ITGA9: variants seen among roughly 807,000 people sequenced by gnomAD.
ITGA9 encodes integrin alpha-9.
Under a neutral mutation model 127.8 loss-of-function variants are expected in ITGA9, and 56 were observed. The observed-to-expected ratio is 0.44, with a 90% CI of 0.35 to 0.55. The LOEUF is 0.55. ITGA9 is among the 20% of genes least tolerant of loss of function. The pLI, the probability that ITGA9 is intolerant of heterozygous loss-of-function variation, is 0.00. For missense variants in ITGA9, 1,196 were observed against 1,347.1 expected, an observed-to-expected ratio of 0.89 and a Z score of 1.76; for synonymous variants, 508 against 514.5, an observed-to-expected ratio of 0.99 and a Z score of 0.17.
At chr3:37,560,700 C>T (rs965528739) in intron 15 of ITGA9, among the ~76,000 whole-genome samples, 15 of 152,202 alleles carry the variant, frequency 9.9e-5, no homozygotes, top group East Asian at 1.9e-4. Flanking sequence ...CTCTGATGAC[C>T]GGTGATGATG....
chr3:37,770,522 GCCATTTCCT>G (rs2125546993), intron 23 of ITGA9, among the ~76,000 whole-genome samples: 2 of 152,268 alleles, frequency 1.3e-5, no homozygotes, highest in East Asian at 3.9e-4. Context: ...ACATGGAAAT[GCCATTTCCT>G]CCAAGCCGTT....
At position 37,629,227 on chromosome 3, in the gene ITGA9, C is replaced by T. The variant is rs772449525; in HGVS notation, c.1730C>T (p.Ala577Val). 1 of 1,613,580 alleles carries T rather than the reference C, an allele frequency of 6.2e-7. No individual in the cohort carries two copies. The highest frequency in any genetic ancestry group is 8.5e-7 in the Non-Finnish European group (1 of 1,179,962). The change falls in exon 16 of 28, where the codon GCA becomes GTA. Residue 577 changes from alanine (A) to valine (V), a missense_variant. Transcript: ENST00000264741. This position sits in a 1 kb window ranked among gnomAD's most constrained non-coding sequence, Gnocchi z 4.5. ...GTCATCAGCCCGATCGTGTTTGAAG[C>T]AGCCTACAGCCTCAGTGAGCATGTG... Reference protein sequence around the residue: ...QDVISPIVFEAAYSLSEHVTG... With the variant: ...QDVISPIVFEVAYSLSEHVTG...
intron 17 of ITGA9, among the ~76,000 whole-genome samples, chr3:37,674,559 A>T (rs991511222): frequency 6.6e-6 from 1 of 152,224 alleles, no homozygotes; most frequent in Non-Finnish European, 1.5e-5. Flanking sequence ...CACCCCTCAG[A>T]TTCAACAAGG....
chr3:37,625,997 C>T (rs1188015305), intron 15 of ITGA9, among the ~76,000 whole-genome samples: 1 of 152,020 alleles, frequency 6.6e-6, no homozygotes, highest in Non-Finnish European at 1.5e-5. Flanking sequence ...AGCATTCGCA[C>T]CCCTACATGT....
At chr3:37,537,995 C>G (rs1457359122) in intron 14 of ITGA9, among the ~76,000 whole-genome samples, 1 of 152,220 alleles carries the variant, frequency 6.6e-6, no homozygotes, top group African/African-American at 2.4e-5. Context: ...TGCCCCTCAC[C>G]CGTGGACGGT....
chr3:37,603,411 A>T (rs1343327737), intron 15 of ITGA9, among the ~76,000 whole-genome samples: 1 of 152,204 alleles, frequency 6.6e-6, no homozygotes, highest in South Asian at 2.1e-4. Context: ...GTTATATGCA[A>T]ATTCTACACC....
intron 15 of ITGA9, among the ~76,000 whole-genome samples, chr3:37,589,816 C>T (rs994691806): frequency 1.7e-4 from 26 of 152,094 alleles, no homozygotes; most frequent in African/African-American, 6.0e-4. Flanking sequence ...GAGGCCTGAC[C>T]GTGTAGGGCC....
intron 24 of ITGA9, among the ~76,000 whole-genome samples, chr3:37,779,651 C>A (rs180847196): frequency 1.3e-5 from 2 of 152,086 alleles, no homozygotes; most frequent in East Asian, 3.9e-4. Context: ...TCATCCAATT[C>A]TTGGTAGGAT....
At chr3:37,519,506 A>G (rs1699023253) in intron 11 of ITGA9, 152 bp downstream of exon 11, 2 of 689,730 alleles carry the variant, frequency 2.9e-6, no homozygotes, top group Admixed American at 4.3e-5. Flanking sequence ...TACAATTAAT[A>G]TTGCTTATTA....
chr3:37,743,251 T>C (rs2125534162), intron 21 of ITGA9, among the ~76,000 whole-genome samples: 1 of 152,348 alleles, frequency 6.6e-6, no homozygotes, highest in Non-Finnish European at 1.5e-5. Flanking sequence ...CATTGTTGTG[T>C]TTAGGTGAGT....
At position 37,813,227 on chromosome 3, in the gene ITGA9, C is replaced by T. The variant is rs527291726; in HGVS notation, c.3010-5664C>T. ...CAAAGGAACTACAGGTGCTCCTTGACTTATCATATTTTAAGTCAGAAATGC... is the reference window on the plus strand; with the variant it reads ...CAAAGGAACTACAGGTGCTCCTTGATTTATCATATTTTAAGTCAGAAATGC... On this transcript the variant is annotated intron_variant, in intron 27 of 27. Transcript: ENST00000264741. Among the ~76,000 whole-genome samples the T allele has an allele frequency of 3.3e-4, 51 of 152,254 alleles. No individual in the cohort carries two copies. In the South Asian group the frequency reaches 5.8e-3, roughly 17 times the overall value.
intron 15 of ITGA9, among the ~76,000 whole-genome samples, chr3:37,616,518 T>C (rs1163822327): frequency 1.3e-5 from 2 of 152,128 alleles, no homozygotes; most frequent in African/African-American, 2.4e-5. Context: ...CCTGGATATC[T>C]TTGTTAACTT....
intron 15 of ITGA9, among the ~76,000 whole-genome samples, chr3:37,602,911 C>A (rs1330700579): frequency 6.6e-6 from 1 of 152,204 alleles, no homozygotes; most frequent in Admixed American, 6.5e-5. Flanking sequence ...TATACTGCTG[C>A]AAAGCTTGTG....
intron 17 of ITGA9, among the ~76,000 whole-genome samples, chr3:37,678,408 A>G (rs1364674132): frequency 6.6e-6 from 1 of 152,206 alleles, no homozygotes; most frequent in Non-Finnish European, 1.5e-5. Flanking sequence ...AAAGTAACAG[A>G]TGGATAAACA....
At chr3:37,613,176 A>G (rs1403971310) in intron 15 of ITGA9, among the ~76,000 whole-genome samples, 1 of 132,848 alleles carries the variant, frequency 7.5e-6, no homozygotes, top group Non-Finnish European at 1.5e-5. Flanking sequence ...ATGTGTTCTC[A>G]TTGTTCAATT....
chr3:37,795,477 T>C (rs895877003), intron 26 of ITGA9, among the ~76,000 whole-genome samples: 2 of 152,226 alleles, frequency 1.3e-5, no homozygotes, highest in South Asian at 2.1e-4. Context: ...TGACACCAGC[T>C]TGGCAACCTC....
At position 37,821,775 on chromosome 3, in the gene ITGA9, C is replaced by T. The variant is rs1575255634; in HGVS notation, c.*2786C>T. Reference sequence around the variant, plus strand: ...GGACCCACATGAGCAGCTGTATACCCAGGAGGTCACTAAGACTTTATAAAG... The same window carrying T: ...GGACCCACATGAGCAGCTGTATACCTAGGAGGTCACTAAGACTTTATAAAG... On this transcript the variant is annotated 3_prime_UTR_variant, in exon 28 of 28. Coordinates refer to ENST00000264741, the MANE Select transcript of ITGA9 (RefSeq NM_002207.3). The T allele has an allele frequency of 6.6e-6, 1 of 151,830 alleles. No homozygotes were observed. Among genetic ancestry groups the T allele is most frequent in the East Asian group, 2.0e-4 (1 of 5,120 alleles). The allele number at this position is 151,830 out of a possible 1,614,324, so 9.4% of individuals were successfully genotyped here.
chr3:37,647,453 G>GTTTTTT (rs58911100), intron 16 of ITGA9, among the ~76,000 whole-genome samples: 2 of 141,690 alleles, frequency 1.4e-5, no homozygotes, highest in Non-Finnish European at 1.5e-5. Context: ...GCCTAACATA[G>GTTTTTT]TTTTTTTTTT....
At chr3:37,817,534 G>C (rs1223842249) in intron 27 of ITGA9, among the ~76,000 whole-genome samples, 1 of 152,210 alleles carries the variant, frequency 6.6e-6, no homozygotes, top group East Asian at 1.9e-4. Flanking sequence ...GGGGAAACTG[G>C]TAGAACGTAC....
Sources: gnomAD v4.1 joint callset for allele counts (sites outside exome capture counted in the v4.1 genomes callset) on GRCh38, gnomAD v4.1.1 for gene constraint, Gnocchi (gnomAD v3.1) non-coding constraint, MANE v1.5 for transcripts, NCBI Gene and HGNC (gene_info 2026-07-23, HGNC 2026-07-21) for gene names.